PKD2: variants seen among roughly 807,000 people sequenced by gnomAD.
PKD2 encodes the protein polycystin 2, transient receptor potential cation channel, also known as polycystin-2.
A neutral mutation model predicts 105.9 loss-of-function variants in PKD2; 48 were observed. That is an observed-to-expected ratio of 0.45 (90% confidence interval 0.36 to 0.58). PKD2 has a LOEUF of 0.58. Ranked by LOEUF, PKD2 falls within the 20% of genes least tolerant of loss-of-function variation. The pLI is 0.00. For missense variants in PKD2, 1,078 were observed against 1,255.3 expected (o/e 0.86, Z 2.13); for synonymous variants, 464 against 481.1 (o/e 0.96, Z 0.46).
At chr4:88,021,297 C>T (rs1726738988) in intron 2 of PKD2, among the ~76,000 whole-genome samples, 1 of 152,122 alleles carries the variant, frequency 6.6e-6, no homozygotes, top group African/African-American at 2.4e-5. Context: ...ATAATGTAGC[C>T]TAGAGAAACG....
intron 1 of PKD2, 114 bp from the exon 2 acceptor site, chr4:88,019,341 AAGG>A (rs1402341819): frequency 7.7e-6 from 5 of 649,274 alleles, no homozygotes; most frequent in Admixed American, 2.8e-5. Flanking sequence ...AAAAAAAAAA[AAGG>A]AGAATCTCCC....
chr4:88,010,912 G>C (rs1482971624), intron 1 of PKD2, among the ~76,000 whole-genome samples: 2 of 152,236 alleles, frequency 1.3e-5, no homozygotes, highest in Non-Finnish European at 1.5e-5. Context: ...TGTATGCATT[G>C]TATCTAATCA....
At chr4:88,023,369 A>T (rs1232584749) in intron 2 of PKD2, among the ~76,000 whole-genome samples, 1 of 152,186 alleles carries the variant, frequency 6.6e-6, no homozygotes, top group Non-Finnish European at 1.5e-5. Context: ...CGTTACCTCA[A>T]GGACAGTACC....
chr4:88,032,226 A>G (rs892075855), intron 2 of PKD2, among the ~76,000 whole-genome samples: 5 of 152,164 alleles, frequency 3.3e-5, no homozygotes, highest in African/African-American at 1.2e-4. Context: ...TTTGAAATTT[A>G]TGTAATATAT....
In PKD2 at chr4:88,043,494, G is replaced by A. The variant is rs775245274; in HGVS notation, c.1319+37G>A. The A allele has an allele frequency of 9.2e-6, 13 of 1,420,658 alleles. No homozygotes were observed. In the South Asian group the frequency reaches 1.4e-4, roughly 15 times the overall value. The allele number at this position is 1,420,658 out of a possible 1,614,324, so 88.0% of individuals were successfully genotyped here. A position where few individuals can be genotyped will look rare whatever the true frequency, so the allele number is the denominator to read the frequency against. On this transcript the variant is annotated intron_variant, in intron 5 of 14. Transcript: ENST00000237596. ...GGACATGCATCCCTCCTATTTCTGT[G>A]TGGTTGTACATACATCCTATTCTGG... is the stretch of plus-strand genomic sequence containing the variant.
intron 2 of PKD2, among the ~76,000 whole-genome samples, chr4:88,028,297 TAAC>T (rs1182355918): frequency 1.3e-5 from 2 of 152,238 alleles, no homozygotes; most frequent in Non-Finnish European, 2.9e-5. Context: ...ATCGAGTTGA[TAAC>T]AAGATCAGTG....
intron 5 of PKD2, among the ~76,000 whole-genome samples, chr4:88,043,798 C>G (rs1385885351): frequency 6.6e-6 from 1 of 152,130 alleles, no homozygotes; most frequent in Non-Finnish European, 1.5e-5. Flanking sequence ...TCACCAAGTC[C>G]CCCGGCCATC....
At chr4:88,055,708 C>G (rs1342196423) in intron 7 of PKD2, among the ~76,000 whole-genome samples, 1 of 150,026 alleles carries the variant, frequency 6.7e-6, no homozygotes, top group Non-Finnish European at 1.5e-5. Context: ...GTGTACAATT[C>G]AGTGGCATTA....
At chr4:88,037,527 G>T (rs1727380787) in intron 3 of PKD2, among the ~76,000 whole-genome samples, 1 of 152,322 alleles carries the variant, frequency 6.6e-6, no homozygotes, top group South Asian at 2.1e-4. Flanking sequence ...TAAGGATAGA[G>T]ACAACTGAGT....
intron 5 of PKD2, among the ~76,000 whole-genome samples, chr4:88,043,927 G>T (rs143372531): frequency 1.8e-3 from 271 of 152,290 alleles, no homozygotes; most frequent in African/African-American, 6.1e-3. Context: ...TTACCTGCTC[G>T]TGCTCAGGGC....
intron 13 of PKD2, among the ~76,000 whole-genome samples, chr4:88,068,354 T>C (rs1217484971): frequency 1.3e-5 from 2 of 151,808 alleles, no homozygotes; most frequent in South Asian, 2.1e-4. Flanking sequence ...CCTGTAATCC[T>C]AGCTACTTGG....
intron 10 of PKD2, among the ~76,000 whole-genome samples, chr4:88,064,844 A>T (rs1720730775): frequency 6.6e-6 from 1 of 152,174 alleles, no homozygotes; most frequent in Non-Finnish European, 1.5e-5. Flanking sequence ...GTGAGCCAGA[A>T]TCACGCCACT....
At chr4:88,048,640 G>C (rs1412755573) in intron 6 of PKD2, among the ~76,000 whole-genome samples, 1 of 152,120 alleles carries the variant, frequency 6.6e-6, no homozygotes, top group African/African-American at 2.4e-5. Context: ...GCACTTTAGA[G>C]TTTTTACTTA....
At chr4:88,036,019 A>G (rs1560606980) in intron 2 of PKD2, 2 of 715,802 alleles carry the variant, frequency 2.8e-6, no homozygotes, top group East Asian at 5.6e-5. Flanking sequence ...TATTAATATT[A>G]CGTATTTCTT....
At chr4:88,067,505 A>T (rs1399821985) in intron 12 of PKD2, among the ~76,000 whole-genome samples, 3 of 152,096 alleles carry the variant, frequency 2.0e-5, no homozygotes, top group South Asian at 2.1e-4. Context: ...CTAATTTTTT[A>T]AAAAATTTTT....
rs371840105 is a variant in PKD2, at chr4:88,073,505, G to A, written c.2523-1307G>A. ...CACGCCACTGCACTCCAGCCTGGGC[G>A]ACAGAGCAAGACTCTGTCTCAAAAA... On this transcript the variant is annotated intron_variant, in intron 13 of 14. Coordinates refer to ENST00000237596, the MANE Select transcript of PKD2 (RefSeq NM_000297.4). Among the ~76,000 whole-genome samples, 10 of 151,530 alleles carry A rather than the reference G, an allele frequency of 6.6e-5. 1 individual carries two copies. The highest frequency in any genetic ancestry group is 1.9e-4 in the African/African-American group (8 of 41,324).
chr4:88,067,334 C>A (rs1277879840), intron 12 of PKD2, among the ~76,000 whole-genome samples: 1 of 152,042 alleles, frequency 6.6e-6, no homozygotes, highest in Non-Finnish European at 1.5e-5. Context: ...GGATACTCAA[C>A]CTGTAATATA....
chr4:88,047,751 A>G (rs1016234009), intron 6 of PKD2, among the ~76,000 whole-genome samples: 2 of 152,100 alleles, frequency 1.3e-5, no homozygotes, highest in Admixed American at 6.6e-5. Flanking sequence ...TAATCCCTGC[A>G]CTTTAGGGAA....
intron 1 of PKD2, among the ~76,000 whole-genome samples, chr4:88,016,118 G>A (rs964704296): frequency 1.1e-4 from 17 of 152,204 alleles, no homozygotes; most frequent in African/African-American, 4.1e-4. Context: ...CTGACAGGAG[G>A]CGGAGCTCGG....
Sources: gnomAD v4.1 joint callset for allele counts (sites outside exome capture counted in the v4.1 genomes callset) on GRCh38, gnomAD v4.1.1 for gene constraint, MANE v1.5 for transcripts, NCBI Gene and HGNC (gene_info 2026-07-23, HGNC 2026-07-21) for gene names.